Variants in TNS3 observed in about 807,000 individuals in gnomAD.
TNS3 encodes the protein tensin-3.
In TNS3, 45 loss-of-function variants were observed where a neutral mutation model predicts 140.9. The observed-to-expected ratio is 0.32, with a 90% CI of 0.25 to 0.41. The LOEUF (loss-of-function observed/expected upper bound fraction) is 0.41. TNS3 is among the 10% of genes least tolerant of loss of function. The pLI is 1.00. For synonymous variants in TNS3, 815 were observed against 788.4 expected (o/e 1.03, Z -0.56); for missense variants, 1,716 against 1,906.7 (o/e 0.90, Z 1.86).
intron 4 of TNS3, among the ~76,000 whole-genome samples, chr7:47,444,110 T>C (rs1795603792): frequency 6.6e-6 from 1 of 152,176 alleles, no homozygotes; most frequent in African/African-American, 2.4e-5. Flanking sequence ...GCCAATCTCA[T>C]TATGGGGAAA....
chr7:47,564,791 A>T (rs2152004514), intron 1 of TNS3, among the ~76,000 whole-genome samples: 1 of 152,062 alleles, frequency 6.6e-6, no homozygotes, highest in Admixed American at 6.6e-5. Flanking sequence ...ACTGATTAAT[A>T]TCACTAAGCT....
rs777193611 is a variant in TNS3, at chr7:47,567,767, G to T, written c.-265+14284C>A. 1.8e-3 allele frequency among the ~76,000 whole-genome samples: 268 copies of T among 151,296 alleles called. 1 individual carries two copies. The highest frequency in any genetic ancestry group is 2.0e-3 in the Non-Finnish European group (136 of 67,940). On this transcript the variant is annotated intron_variant, in intron 1 of 30. Transcript: ENST00000311160. Reference sequence around the variant, plus strand: ...CAGGACCTGTATGCCAAACTACACAGATGCCAATGAAAGAAATGAAAGATA... The same window carrying T: ...CAGGACCTGTATGCCAAACTACACATATGCCAATGAAAGAAATGAAAGATA...
At chr7:47,571,263 G>A (rs1467621500) in intron 1 of TNS3, among the ~76,000 whole-genome samples, 3 of 152,210 alleles carry the variant, frequency 2.0e-5, no homozygotes, top group Non-Finnish European at 4.4e-5. Context: ...AGTGAGGTCC[G>A]TGCTATCAAC....
chr7:47,305,140 G>T, intron 20 of TNS3, 137 bp from the exon 21 acceptor site: 1 of 611,774 alleles, frequency 1.6e-6, no homozygotes, highest in Non-Finnish European at 2.4e-6. Flanking sequence ...TACTGAACAT[G>T]ACATCACTAC....
rs1225346543 is a variant in TNS3 at position 47,413,864 on chromosome 7, A to T, written c.647+73T>A. The T allele has an allele frequency of 4.4e-6, 7 of 1,573,984 alleles. No homozygotes were observed. The African/African-American group carries it at 9.5e-5, about 21-fold the overall frequency. ...CCCACACTCTTCCTGCGGGACAGGC[A>T]GCTGAGGGTCAGCTGCAGTTCCCTG... On this transcript the variant is annotated intron_variant, in intron 12 of 30. Coordinates refer to ENST00000311160, the MANE Select transcript of TNS3 (RefSeq NM_022748.12).
At chr7:47,579,054 A>G (rs545490764) in intron 1 of TNS3, 1 of 152,424 alleles carries the variant, frequency 6.6e-6, no homozygotes, top group Admixed American at 6.5e-5. Flanking sequence ...CACGCCCTTC[A>G]CTGTGGGGGC....
chr7:47,490,378 T>C (rs1403692109), intron 3 of TNS3, among the ~76,000 whole-genome samples: 3 of 152,222 alleles, frequency 2.0e-5, no homozygotes, highest in African/African-American at 7.2e-5. Flanking sequence ...CTGCATGCTA[T>C]TGCCTGAATA....
chr7:47,486,939 C>T (rs1260834273), intron 3 of TNS3, among the ~76,000 whole-genome samples: 1 of 152,082 alleles, frequency 6.6e-6, no homozygotes, highest in Non-Finnish European at 1.5e-5. Context: ...TCCAAATCAT[C>T]AAAAATTCCA....
chr7:47,533,712 A>T (rs944115649), intron 1 of TNS3, among the ~76,000 whole-genome samples: 4 of 152,140 alleles, frequency 2.6e-5, no homozygotes, highest in Non-Finnish European at 5.9e-5. Flanking sequence ...TAACTGAATC[A>T]TGGCGGCAGG....
chr7:47,529,330 T>C (rs1238618148), intron 1 of TNS3, among the ~76,000 whole-genome samples, 183 bp from the exon 2 acceptor site: 1 of 152,214 alleles, frequency 6.6e-6, no homozygotes, highest in Admixed American at 6.5e-5. Context: ...GACCCACGGA[T>C]ACCATGTTAG....
intron 23 of TNS3, among the ~76,000 whole-genome samples, chr7:47,298,720 G>A (rs1046825458): frequency 6.6e-6 from 1 of 152,256 alleles, no homozygotes. Flanking sequence ...CTCCCACAGA[G>A]GCCCCTCACA....
At chr7:47,341,581 G>C (rs1403062113) in intron 20 of TNS3, among the ~76,000 whole-genome samples, 1 of 152,022 alleles carries the variant, frequency 6.6e-6, no homozygotes, top group Non-Finnish European at 1.5e-5. Flanking sequence ...GATGGTGCCT[G>C]TTTCCTTCCT....
rs541959397 is a variant in TNS3, at chr7:47,277,566, G to A, written c.*510C>T. 1.8e-4 allele frequency: 38 copies of A among 206,270 alleles called. No homozygotes were observed. The East Asian group carries it at 2.7e-3, about 15-fold the overall frequency. 12.8% of individuals were successfully genotyped at this position (206,270 alleles called of 1,614,324 possible). A position where few individuals can be genotyped will look rare whatever the true frequency, so the allele number is the denominator to read the frequency against. The stretch of plus-strand genomic sequence containing the variant: ...TTGCACAAACCTTCGTCAAACATAC[G>A]CCCCCTTCTCAGTTTCGTTAGCATC... On this transcript the variant is annotated 3_prime_UTR_variant, in exon 31 of 31. Coordinates refer to ENST00000311160, the MANE Select transcript of TNS3 (RefSeq NM_022748.12).
At position 47,293,749 on chromosome 7, in the gene TNS3, C is replaced by A; in HGVS notation, c.3756G>T (p.Ser1252=). Residue 1252 remains serine, a synonymous_variant, in exon 25 of 31, where the codon TCG becomes TCT. Coordinates refer to ENST00000311160, the MANE Select transcript of TNS3 (RefSeq NM_022748.12). ...TPKGVRLKGC[S]NEPYFGSLTA... ...GCAACTCACCGAAATATGGTTCATT[C>A]GAGCACCCTTTCAACCGCACTCCCT... The A allele has an allele frequency of 6.2e-7, 1 of 1,614,132 alleles. No homozygotes were observed. Among genetic ancestry groups the A allele is most frequent in the South Asian group, 1.1e-5 (1 of 91,076 alleles).
intron 1 of TNS3, among the ~76,000 whole-genome samples, chr7:47,530,858 T>TATATATATATATATATATATA (rs60516528): frequency 3.0e-5 from 4 of 131,654 alleles, no homozygotes; most frequent in Admixed American, 8.1e-5. Flanking sequence ...TATATATATA[T>TATATATATATATATATATATA]TTCTAGCACA....
intron 3 of TNS3, among the ~76,000 whole-genome samples, chr7:47,487,129 T>G (rs1797641045): frequency 6.6e-6 from 1 of 151,964 alleles, no homozygotes; most frequent in African/African-American, 2.4e-5. Flanking sequence ...CAAAACCCCG[T>G]CTCTACTAAA....
At chr7:47,509,697 C>T (rs1462660075) in intron 2 of TNS3, among the ~76,000 whole-genome samples, 2 of 152,054 alleles carry the variant, frequency 1.3e-5, no homozygotes, top group African/African-American at 4.8e-5. Flanking sequence ...GGAGACAGCC[C>T]CCTGCCTGCC....
chr7:47,511,867 G>A (rs1030713146), intron 2 of TNS3, among the ~76,000 whole-genome samples: 7 of 152,182 alleles, frequency 4.6e-5, no homozygotes, highest in Non-Finnish European at 1.0e-4. Context: ...CCTGCCGGCC[G>A]CTGCACCTCC....
chr7:47,523,714 A>G (rs1268399368), intron 2 of TNS3, among the ~76,000 whole-genome samples: 3 of 152,158 alleles, frequency 2.0e-5, no homozygotes, highest in Non-Finnish European at 2.9e-5. Context: ...CCTTCTCCTG[A>G]TAATGGACCT....
Sources: allele counts gnomAD v4.1 joint callset (sites outside exome capture counted in the v4.1 genomes callset), GRCh38; gene constraint gnomAD v4.1.1; transcripts MANE v1.5; gene names NCBI Gene and HGNC (gene_info 2026-07-23, HGNC 2026-07-21).